Variants in ULK4 observed in about 807,000 individuals in gnomAD.
ULK4 encodes inactive serine/threonine-protein kinase ULK4.
ULK4 carries 133 observed loss-of-function variants against 160.6 expected under a neutral mutation model. The ratio of observed to expected loss-of-function variants is 0.83; its 90% CI spans 0.72 to 0.96. ULK4 has a LOEUF of 0.96. Among genes scored for constraint, ULK4 ranks in the 40% least tolerant of loss-of-function variants. ULK4 has a pLI of 0.00. For synonymous variants in ULK4, 534 were observed against 539.8 expected, an observed-to-expected ratio of 0.99 and a Z score of 0.15; for missense variants, 1,580 against 1,499.5, an observed-to-expected ratio of 1.05 and a Z score of -0.89.
chr3:41,873,554 G>T (rs1053429345), intron 17 of ULK4, among the ~76,000 whole-genome samples: 1 of 151,812 alleles, frequency 6.6e-6, no homozygotes, highest in Non-Finnish European at 1.5e-5. Flanking sequence ...TTTTGTGTTT[G>T]TTTTGTTTTT....
At chr3:41,596,487 C>T (rs2031699676) in intron 31 of ULK4, among the ~76,000 whole-genome samples, 1 of 151,904 alleles carries the variant, frequency 6.6e-6, no homozygotes, top group South Asian at 2.1e-4. Context: ...ATCATGGAAT[C>T]CAAGCTAAGA....
intron 8 of ULK4, among the ~76,000 whole-genome samples, chr3:41,913,960 C>T (rs1357402877): frequency 6.6e-6 from 1 of 152,158 alleles, no homozygotes; most frequent in African/African-American, 2.4e-5. Context: ...GAGACCCCGT[C>T]TCCGGGAGGG....
At chr3:41,761,685 C>T (rs1164219852) in intron 21 of ULK4, among the ~76,000 whole-genome samples, 1 of 151,888 alleles carries the variant, frequency 6.6e-6, no homozygotes, top group Non-Finnish European at 1.5e-5. Context: ...TTTTACTTTA[C>T]ATAGAATGTT....
chr3:41,275,441 A>T (rs937716971), intron 35 of ULK4, among the ~76,000 whole-genome samples: 2 of 152,230 alleles, frequency 1.3e-5, no homozygotes, highest in African/African-American at 4.8e-5. Flanking sequence ...ACACAGAAAC[A>T]AAACATTAGA....
chr3:41,586,886 T>C (rs376547098), intron 31 of ULK4, among the ~76,000 whole-genome samples: 2 of 152,168 alleles, frequency 1.3e-5, no homozygotes, highest in East Asian at 1.9e-4. Context: ...AATTTGAACA[T>C]TGACTGGATA....
At chr3:41,438,546 G>C (rs1031759485) in intron 34 of ULK4, among the ~76,000 whole-genome samples, 13 of 152,140 alleles carry the variant, frequency 8.5e-5, no homozygotes, top group Non-Finnish European at 1.5e-5. Context: ...ACAGCAGCTT[G>C]AAGTTCAAAC....
intron 17 of ULK4, among the ~76,000 whole-genome samples, chr3:41,838,277 C>T (rs969782523): frequency 2.0e-5 from 3 of 152,036 alleles, no homozygotes; most frequent in Admixed American, 6.6e-5. Context: ...AATTATCTTT[C>T]GTAGTTGAGC....
chr3:41,431,698 A>G (rs953978942), intron 34 of ULK4, among the ~76,000 whole-genome samples: 1 of 151,678 alleles, frequency 6.6e-6, no homozygotes, highest in Non-Finnish European at 1.5e-5. Flanking sequence ...ATTTCCTGCC[A>G]AACAGCCTCA....
At chr3:41,452,621 G>A (rs1212268472) in intron 34 of ULK4, among the ~76,000 whole-genome samples, 4 of 152,146 alleles carry the variant, frequency 2.6e-5, no homozygotes, top group African/African-American at 9.7e-5. Context: ...AAACAGAAGT[G>A]TAAAATATTT....
At chr3:41,834,908 G>A (rs570992935) in intron 18 of ULK4, among the ~76,000 whole-genome samples, 5 of 149,676 alleles carry the variant, frequency 3.3e-5, no homozygotes, top group South Asian at 2.1e-4. Flanking sequence ...AGCCAGGCAC[G>A]GAGGTGCATA....
intron 35 of ULK4, among the ~76,000 whole-genome samples, chr3:41,382,235 C>T (rs922459855): frequency 3.3e-5 from 5 of 152,122 alleles, no homozygotes; most frequent in African/African-American, 1.2e-4. Flanking sequence ...TCCATTAGAG[C>T]AGGGTTTTCT....
At chr3:41,893,843 T>C (rs1163008734) in intron 16 of ULK4, among the ~76,000 whole-genome samples, 2 of 152,140 alleles carry the variant, frequency 1.3e-5, no homozygotes, top group Non-Finnish European at 2.9e-5. Flanking sequence ...AGAATAAATA[T>C]ATCTACGTCA....
At chr3:41,283,016 A>G (rs916690975) in intron 35 of ULK4, among the ~76,000 whole-genome samples, 5 of 152,240 alleles carry the variant, frequency 3.3e-5, no homozygotes, top group Admixed American at 6.5e-5. Context: ...AAAAGAAGAC[A>G]TTTATGCAGC....
intron 35 of ULK4, among the ~76,000 whole-genome samples, chr3:41,346,917 G>C (rs9827383): frequency 0.22 from 32,685 of 151,978 alleles, 3,666 homozygotes; most frequent in Middle Eastern, 0.3. Context: ...ATATAGACTC[G>C]GTGCTTTTGC....
chr3:41,703,020 A>G (rs184422675), intron 27 of ULK4, among the ~76,000 whole-genome samples: 1 of 151,856 alleles, frequency 6.6e-6, no homozygotes, highest in East Asian at 1.9e-4. Context: ...TGCCCAGCTA[A>G]TTTTTGTATT....
chr3:41,596,946 G>A (rs1222069763), intron 31 of ULK4, among the ~76,000 whole-genome samples: 2 of 152,082 alleles, frequency 1.3e-5, no homozygotes, highest in Non-Finnish European at 2.9e-5. Flanking sequence ...TCTGTGCACC[G>A]TACACTATTT....
chr3:41,444,120 C>A (rs1176960625), intron 34 of ULK4, among the ~76,000 whole-genome samples: 2 of 152,096 alleles, frequency 1.3e-5, no homozygotes, highest in Non-Finnish European at 2.9e-5. Flanking sequence ...TCGATACAGA[C>A]CAATTAATAT....
chr3:41,458,173 T>C (rs1427434872), intron 33 of ULK4, among the ~76,000 whole-genome samples: 5 of 152,150 alleles, frequency 3.3e-5, no homozygotes, highest in Admixed American at 3.3e-4. Context: ...GCTAGGTATA[T>C]GAATATGGAT....
intron 34 of ULK4, among the ~76,000 whole-genome samples, chr3:41,422,875 T>C (rs1303680396): frequency 6.6e-6 from 1 of 152,194 alleles, no homozygotes; most frequent in African/African-American, 2.4e-5. Context: ...TACACAAACA[T>C]GTGTTTTGTA....
Sources: allele counts gnomAD v4.1 joint callset (sites outside exome capture counted in the v4.1 genomes callset), GRCh38; gene constraint gnomAD v4.1.1; transcripts MANE v1.5; gene names NCBI Gene and HGNC (gene_info 2026-07-23, HGNC 2026-07-21).